ST8SIA1: variants seen among roughly 807,000 people sequenced by gnomAD.
The protein encoded by ST8SIA1 is alpha-N-acetylneuraminide alpha-2,8-sialyltransferase.
ST8SIA1 carries 16 observed loss-of-function variants against 35.9 expected under a neutral mutation model. That is an observed-to-expected ratio of 0.45 (90% CI 0.30 to 0.68). The LOEUF is 0.68. ST8SIA1 is among the 30% of genes least tolerant of loss of function. The probability of loss-of-function intolerance (pLI) is 0.09; values close to 1 mark genes in which losing one functional copy is unlikely to be tolerated. For synonymous variants in ST8SIA1, 170 were observed against 169.6 expected (o/e 1.00, Z -0.02); for missense variants, 383 against 453.6 (o/e 0.84, Z 1.41).
Position 22,222,588 on chromosome 12 carries a change from T to G in ST8SIA1, c.585-20550A>C, listed in dbSNP as rs534482188. 9.9e-5 allele frequency among the ~76,000 whole-genome samples: 15 copies of G among 152,080 alleles called. No homozygotes were observed. In the South Asian group the frequency reaches 2.9e-3, roughly 30 times the overall value. On this transcript the variant is annotated intron_variant, in intron 4 of 4. Transcript: ENST00000396037. The stretch of plus-strand genomic sequence containing the variant: ...TATGTGAAAGAAGTGTAAGTAATCT[T>G]ATTGACAGTTAACTAGAAAAAGACC...
At chr12:22,311,882 G>A (rs952883968) in intron 1 of ST8SIA1, among the ~76,000 whole-genome samples, 5 of 152,130 alleles carry the variant, frequency 3.3e-5, no homozygotes, top group African/African-American at 1.2e-4. Flanking sequence ...ACTTTAAATG[G>A]CTGGCTAGGA....
intron 3 of ST8SIA1, 108 bp from the exon 4 acceptor site, chr12:22,249,206 C>CT: frequency 7.2e-6 from 5 of 696,122 alleles, no homozygotes; most frequent in Admixed American, 2.9e-5. Context: ...TCACGAGTAA[C>CT]TGTTTTGTTT....
At chr12:22,265,340 T>C (rs527548523) in intron 2 of ST8SIA1, among the ~76,000 whole-genome samples, 3 of 152,364 alleles carry the variant, frequency 2.0e-5, no homozygotes, top group Middle Eastern at 6.8e-3. Flanking sequence ...CTAAGCTTCA[T>C]GCCATTGCTA....
rs1456265408 is a variant in ST8SIA1, at chr12:22,201,035, G to A, written c.*517C>T. ...AACATTTTGTATCTTTATTACTCAG[G>A]AAGGGATTTTTTAAATCTACCCACC... On this transcript the variant is annotated 3_prime_UTR_variant, in exon 5 of 5. Coordinates refer to ENST00000396037, the MANE Select transcript of ST8SIA1 (RefSeq NM_003034.4). 6.6e-6 allele frequency: 1 copy of A among 152,150 alleles called. No homozygotes were observed. The highest frequency in any genetic ancestry group is 1.5e-5 in the Non-Finnish European group (1 of 68,046). The allele number at this position is 152,150 out of a possible 1,614,324, so 9.4% of individuals were successfully genotyped here.
At chr12:22,302,746 A>G (rs1196766893) in intron 1 of ST8SIA1, among the ~76,000 whole-genome samples, 4 of 152,222 alleles carry the variant, frequency 2.6e-5, no homozygotes, top group Non-Finnish European at 4.4e-5. Flanking sequence ...CTTAGGGCAA[A>G]GCTGCCTCCC....
At chr12:22,211,755 A>G (rs1307861576) in intron 4 of ST8SIA1, among the ~76,000 whole-genome samples, 1 of 152,188 alleles carries the variant, frequency 6.6e-6, no homozygotes, top group African/African-American at 2.4e-5. Flanking sequence ...TCTGTCGCCC[A>G]GACTGGAGTG....
chr12:22,220,566 T>C (rs74068737), intron 4 of ST8SIA1, among the ~76,000 whole-genome samples: 1 of 152,202 alleles, frequency 6.6e-6, no homozygotes, highest in African/African-American at 2.4e-5. Flanking sequence ...CCCCCTGCAA[T>C]TGCCTTCATC....
At chr12:22,224,828 GAA>G (rs1224711343) in intron 4 of ST8SIA1, among the ~76,000 whole-genome samples, 1 of 152,156 alleles carries the variant, frequency 6.6e-6, no homozygotes, top group Non-Finnish European at 1.5e-5. Flanking sequence ...CTGATCCCCA[GAA>G]AGTTCACACC....
At chr12:22,248,933 C>T (rs1475204653) in intron 4 of ST8SIA1, 73 bp downstream of exon 4, 3 of 1,133,618 alleles carry the variant, frequency 2.6e-6, no homozygotes, top group East Asian at 2.4e-5. Flanking sequence ...ATTATGCTCA[C>T]TGCCTTTGAA....
intron 4 of ST8SIA1, among the ~76,000 whole-genome samples, chr12:22,202,758 G>A (rs1040108994): frequency 2.0e-5 from 3 of 152,160 alleles, no homozygotes; most frequent in Non-Finnish European, 4.4e-5. Context: ...AAATAATTCT[G>A]CCTGGAAAGA....
intron 4 of ST8SIA1, among the ~76,000 whole-genome samples, chr12:22,209,408 C>T (rs1865151955): frequency 6.6e-6 from 1 of 152,112 alleles, no homozygotes; most frequent in Non-Finnish European, 1.5e-5. Context: ...TAAGCACGAC[C>T]TCACTCGCAT....
intron 1 of ST8SIA1, among the ~76,000 whole-genome samples, chr12:22,329,919 C>T (rs959751448): frequency 1.3e-5 from 2 of 152,218 alleles, no homozygotes; most frequent in Non-Finnish European, 2.9e-5. Flanking sequence ...TGATAGCTAA[C>T]ATGCAGCCAG....
At chr12:22,303,735 T>C (rs1222923843) in intron 1 of ST8SIA1, among the ~76,000 whole-genome samples, 1 of 151,986 alleles carries the variant, frequency 6.6e-6, no homozygotes, top group Non-Finnish European at 1.5e-5. Context: ...TTTTTCCCAT[T>C]GGGTTTGATC....
At chr12:22,311,377 G>A (rs1039131872) in intron 1 of ST8SIA1, among the ~76,000 whole-genome samples, 3 of 152,068 alleles carry the variant, frequency 2.0e-5, no homozygotes, top group Admixed American at 2.0e-4. Flanking sequence ...AATTTCTAAG[G>A]TCAAGGTGTA....
intron 2 of ST8SIA1, among the ~76,000 whole-genome samples, chr12:22,279,967 G>A (rs1467460477): frequency 3.3e-5 from 5 of 152,224 alleles, no homozygotes; most frequent in East Asian, 3.8e-4. Flanking sequence ...AAGGAAGACA[G>A]TGAATTAGAA....
chr12:22,260,924 T>C (rs1292948921), intron 2 of ST8SIA1, among the ~76,000 whole-genome samples: 1 of 143,354 alleles, frequency 7.0e-6, no homozygotes, highest in Admixed American at 7.2e-5. Flanking sequence ...TCCCCCAGGC[T>C]GGAGTGCAGT....
rs1865037509 is a variant in ST8SIA1 at position 22,200,480 on chromosome 12, A to G, written c.*1072T>C. On this transcript the variant is annotated 3_prime_UTR_variant, in exon 5 of 5. Transcript: ENST00000396037. Reference sequence around the variant, plus strand: ...TTTAATGGTATACTAGTAAAAATGTATTCTTTTTTAGGTAACTACTAAATA... The same window carrying G: ...TTTAATGGTATACTAGTAAAAATGTGTTCTTTTTTAGGTAACTACTAAATA... 1.3e-5 allele frequency: 2 copies of G among 152,198 alleles called. No individual in the cohort carries two copies. The highest frequency in any genetic ancestry group is 4.8e-5 in the African/African-American group (2 of 41,452). The allele number at this position is 152,198 out of a possible 1,614,324, so 9.4% of individuals were successfully genotyped here.
Position 22,334,509 on chromosome 12 carries a change from C to G in ST8SIA1, c.-277G>C. The G allele has an allele frequency of 2.0e-6, 1 of 509,596 alleles. No individual in the cohort carries two copies. The highest frequency in any genetic ancestry group is 3.5e-6 in the Non-Finnish European group (1 of 284,008). 31.6% of individuals were successfully genotyped at this position (509,596 alleles called of 1,614,324 possible). On this transcript the variant is annotated 5_prime_UTR_variant, in exon 1 of 5. Coordinates refer to ENST00000396037, the MANE Select transcript of ST8SIA1 (RefSeq NM_003034.4). ...TCGCTTCCCCTGCAGAAGGCGGGCG[C>G]TGGGGTCTCCGAGTGCGCAGAGAGC...
chr12:22,296,980 G>A lies in ST8SIA1; in HGVS notation c.237-9687C>T, dbSNP rs12314813. On this transcript the variant is annotated intron_variant, in intron 1 of 4. Coordinates refer to ENST00000396037, the MANE Select transcript of ST8SIA1 (RefSeq NM_003034.4). ...TAATTGAACCATTTCTCGAATATAC[G>A]TGTTTACACAGCAGGGTGGGATGCA... is the stretch of plus-strand genomic sequence containing the variant. Among the ~76,000 whole-genome samples the A allele has an allele frequency of 3.4e-3, 513 of 152,256 alleles. 2 individuals are homozygous for A. The highest frequency in any genetic ancestry group is 0.012 in the African/African-American group (485 of 41,554).
Sources: gnomAD v4.1 joint callset for allele counts (sites outside exome capture counted in the v4.1 genomes callset) on GRCh38, gnomAD v4.1.1 for gene constraint, MANE v1.5 for transcripts, NCBI Gene and HGNC (gene_info 2026-07-23, HGNC 2026-07-21) for gene names.